The following FAM193A variants were observed in gnomAD, a reference collection of about 807,000 sequenced individuals.
FAM193A encodes the protein family with sequence similarity 193 member A.
Under a neutral mutation model 126.5 loss-of-function variants are expected in FAM193A, and 22 were observed. The ratio of observed to expected loss-of-function variants is 0.17; its 90% CI spans 0.12 to 0.25. The LOEUF (loss-of-function observed/expected upper bound fraction) is 0.25. FAM193A is among the 10% of genes least tolerant of loss of function. The pLI, the probability that FAM193A is intolerant of heterozygous loss-of-function variation, is 1.00. For synonymous variants in FAM193A, 761 were observed against 646.8 expected (o/e 1.18, Z -2.68); for missense variants, 1,675 against 1,672.8 (o/e 1.00, Z -0.02).
rs562310251 is a variant in FAM193A at position 2,631,491 on chromosome 4, G to A, written c.1038+322G>A. ...TGATGTGTGCCTTTATAAGGAGACA[G>A]AGAAATCTCCGGTGTCTTACTTAGG... is the stretch of plus-strand genomic sequence containing the variant. On this transcript the variant is annotated intron_variant, in intron 5 of 20. Coordinates refer to ENST00000637812, the MANE Select transcript of FAM193A (RefSeq NM_001366318.2). Among the ~76,000 whole-genome samples the A allele has an allele frequency of 6.8e-4, 104 of 152,342 alleles. 4 individuals carry two copies. The South Asian group carries it at 0.019, about 27-fold the overall frequency.
intron 15 of FAM193A, 73 bp downstream of exon 15, chr4:2,691,043 C>G: frequency 7.1e-7 from 1 of 1,409,404 alleles, no homozygotes; most frequent in Non-Finnish European, 9.7e-7. Flanking sequence ...GTCTTTGTAA[C>G]TCATCTTTGT....
At chr4:2,636,654 T>G (rs1744120688) in intron 5 of FAM193A, among the ~76,000 whole-genome samples, 1 of 152,246 alleles carries the variant, frequency 6.6e-6, no homozygotes, top group African/African-American at 2.4e-5. Flanking sequence ...TATTTGTTTA[T>G]ATCAGCACTG....
rs745857884 is a variant in FAM193A, at chr4:2,700,261, G to T, written c.4089G>T (p.Gly1363=). 6.2e-7 allele frequency: 1 copy of T among 1,613,984 alleles called. No homozygotes were observed. Among genetic ancestry groups the T allele is most frequent in the African/African-American group, 1.3e-5 (1 of 74,924 alleles). The change falls in exon 19 of 21, where the codon GGG becomes GGT. Residue 1363 remains glycine, a synonymous_variant. Coordinates refer to ENST00000637812, the MANE Select transcript of FAM193A (RefSeq NM_001366318.2). ...CAGAGCCCCCCAAGGCCACAGAGGG[G>T]CAGTCCAAGCCCCGGGCCCAGACTG... The part of the protein sequence containing the change: ...RPTEPPKATE[G]QSKPRAQTES...
chr4:2,617,905 C>G (rs954601871), intron 2 of FAM193A, among the ~76,000 whole-genome samples: 5 of 152,140 alleles, frequency 3.3e-5, no homozygotes, highest in African/African-American at 1.2e-4. Context: ...CTCTCCATTC[C>G]TTTGTGTAGA....
intron 1 of FAM193A, among the ~76,000 whole-genome samples, chr4:2,566,632 G>A (rs537455016): frequency 1.1e-4 from 17 of 152,170 alleles, no homozygotes; most frequent in Non-Finnish European, 4.4e-5. Context: ...AGGTTGCAGT[G>A]AGCCAAGATC....
intron 1 of FAM193A, among the ~76,000 whole-genome samples, chr4:2,578,289 A>AT (rs952782704): frequency 2.6e-4 from 39 of 151,594 alleles, no homozygotes; most frequent in East Asian, 7.7e-4. Context: ...CTACCCGTGC[A>AT]TTTTTTTTGC....
chr4:2,691,453 A>G (rs1716368883), intron 15 of FAM193A, among the ~76,000 whole-genome samples: 1 of 152,196 alleles, frequency 6.6e-6, no homozygotes, highest in Admixed American at 6.5e-5. Flanking sequence ...CTTTCTGAGC[A>G]TGTGGCAAGA....
At chr4:2,679,189 C>G (rs1714798482) in intron 13 of FAM193A, among the ~76,000 whole-genome samples, 2 of 151,960 alleles carry the variant, frequency 1.3e-5, no homozygotes, top group Non-Finnish European at 2.9e-5. Context: ...TTTTTCCAGT[C>G]TGTTAATGTG....
intron 1 of FAM193A, among the ~76,000 whole-genome samples, chr4:2,555,027 C>T (rs1399291307): frequency 2.0e-5 from 3 of 152,158 alleles, no homozygotes; most frequent in Non-Finnish European, 4.4e-5. Context: ...TTCATATTTT[C>T]ATTTTTAATT....
chr4:2,672,679 A>G (rs1336485259), intron 13 of FAM193A, among the ~76,000 whole-genome samples: 1 of 152,252 alleles, frequency 6.6e-6, no homozygotes. Flanking sequence ...TTTCCACAGG[A>G]GACCAGTAAT....
rs1316145868 is a variant in FAM193A, at chr4:2,639,947, A to T, written c.1163+88A>T. Reference sequence around the variant, plus strand: ...GTGTGCGTGTACCCGAGTACCACTGAGTATGAAAGTTCTTGCAGGAAAAAT... The same window carrying T: ...GTGTGCGTGTACCCGAGTACCACTGTGTATGAAAGTTCTTGCAGGAAAAAT... On this transcript the variant is annotated intron_variant, in intron 6 of 20. Coordinates refer to ENST00000637812, the MANE Select transcript of FAM193A (RefSeq NM_001366318.2). 7.1e-6 allele frequency: 9 copies of T among 1,271,984 alleles called. No homozygotes were observed. The East Asian group carries it at 1.9e-4, about 27-fold the overall frequency. 78.8% of individuals were successfully genotyped at this position (1,271,984 alleles called of 1,614,324 possible).
intron 15 of FAM193A, among the ~76,000 whole-genome samples, chr4:2,692,055 T>A (rs550586935): frequency 7.1e-4 from 108 of 152,278 alleles, no homozygotes; most frequent in Admixed American, 2.3e-3. Context: ...GCAGCACCCA[T>A]AGGGTACTGA....
intron 1 of FAM193A, among the ~76,000 whole-genome samples, chr4:2,552,618 A>C (rs1738003335): frequency 6.6e-6 from 1 of 151,724 alleles, no homozygotes; most frequent in African/African-American, 2.4e-5. Flanking sequence ...GCTCACTGCA[A>C]GCTCCGCCTC....
intron 1 of FAM193A, among the ~76,000 whole-genome samples, chr4:2,570,338 G>A (rs929591546): frequency 7.2e-5 from 11 of 152,144 alleles, no homozygotes; most frequent in African/African-American, 2.7e-4. Flanking sequence ...ATGAGTTACT[G>A]TGGATTTGGT....
intron 12 of FAM193A, among the ~76,000 whole-genome samples, chr4:2,667,729 T>C (rs1713283609): frequency 6.6e-6 from 1 of 152,232 alleles, no homozygotes; most frequent in Admixed American, 6.5e-5. Flanking sequence ...ATTTTTATCC[T>C]GTATATGTCA....
chr4:2,582,148 C>T (rs1472050613), intron 1 of FAM193A, among the ~76,000 whole-genome samples: 1 of 152,038 alleles, frequency 6.6e-6, no homozygotes, highest in East Asian at 1.9e-4. Flanking sequence ...TCTCTCCTCT[C>T]CTCCTCCAGC....
Position 2,617,240 on chromosome 4 carries a change from T to TTTTATATATATATATATATATA in FAM193A, c.502-8021_502-8020insTTATATATATATATATATATAT, listed in dbSNP as rs377206444. On this transcript the variant is annotated intron_variant, in intron 2 of 20. Coordinates refer to ENST00000637812, the MANE Select transcript of FAM193A (RefSeq NM_001366318.2). ...TGTATTGGTCAGAAGTATGTTTTTA[T>TTTTATATATATATATATATATA]TATATATATATATATATATATATTT... is the stretch of plus-strand genomic sequence containing the variant. Among the ~76,000 whole-genome samples the TTTTATATATATATATATATATA allele has an allele frequency of 4.8e-4, 17 of 35,230 alleles. 1 individual carries two copies. The highest frequency in any genetic ancestry group is 3.0e-3 in the African/African-American group (11 of 3,692). 23.1% of individuals were successfully genotyped at this position (35,230 alleles called of 152,430 possible). A position where few individuals can be genotyped will look rare whatever the true frequency, so the allele number is the denominator to read the frequency against.
At chr4:2,710,559 T>A (rs1222657529) in intron 19 of FAM193A, among the ~76,000 whole-genome samples, 2 of 152,116 alleles carry the variant, frequency 1.3e-5, no homozygotes, top group East Asian at 1.9e-4. Flanking sequence ...TGGAGTGCAG[T>A]GGCACACTCA....
upstream of FAM193A, among the ~76,000 whole-genome samples, chr4:2,536,120 C>T (rs1377982601): frequency 6.6e-6 from 1 of 151,656 alleles, no homozygotes; most frequent in East Asian, 1.9e-4. Context: ...TCCCGGGAGC[C>T]GCGCCGGTCT....
Sources: gnomAD v4.1 joint callset for allele counts (sites outside exome capture counted in the v4.1 genomes callset) on GRCh38, gnomAD v4.1.1 for gene constraint, MANE v1.5 for transcripts, NCBI Gene and HGNC (gene_info 2026-07-23, HGNC 2026-07-21) for gene names.